The following ABI3BP variants were observed in gnomAD, a reference collection of about 807,000 sequenced individuals.
ABI3BP encodes ABI family member 3 binding protein, also known as target of Nesh-SH3.
In ABI3BP, 216 loss-of-function variants were observed where a neutral mutation model predicts 268.6. The ratio of observed to expected loss-of-function variants is 0.80; its 90% confidence interval spans 0.72 to 0.90. The LOEUF is 0.90. Among genes scored for constraint, ABI3BP ranks in the 40% least tolerant of loss-of-function variants. The pLI is 0.00. For synonymous variants in ABI3BP, 730 were observed against 730.0 expected, an observed-to-expected ratio of 1.00 and a Z score of 0.00; for missense variants, 2,090 against 2,182.4, an observed-to-expected ratio of 0.96 and a Z score of 0.84.
rs1466479570 is a variant in ABI3BP, at chr3:100,835,684, C to A, written c.2132-24G>T. The A allele has an allele frequency of 2.6e-6, 4 of 1,509,538 alleles. No homozygotes were observed. The Admixed American group carries it at 8.1e-5, about 30-fold the overall frequency. 93.5% of individuals were successfully genotyped at this position (1,509,538 alleles called of 1,614,324 possible). A position where few individuals can be genotyped will look rare whatever the true frequency, so the allele number is the denominator to read the frequency against. On this transcript the variant is annotated intron_variant, in intron 27 of 67. Coordinates refer to ENST00000471714, the MANE Select transcript of ABI3BP (RefSeq NM_001375547.2). ...AACTAACCAAAAGCAATACAATAAA[C>A]AATGGAGATTAAGAAATACAGAAAA...
chr3:100,934,231 T>C, intron 1 of ABI3BP, among the ~76,000 whole-genome samples: 1 of 151,728 alleles, frequency 6.6e-6, no homozygotes, highest in East Asian at 1.9e-4. Flanking sequence ...GAAAATGCAG[T>C]GTCTGGTTTT....
intron 2 of ABI3BP, chr3:100,911,934 T>C: frequency 8.8e-7 from 1 of 1,140,570 alleles, no homozygotes; most frequent in South Asian, 1.2e-5. Flanking sequence ...GAATATTTTC[T>C]TCAGTGCTTG....
chr3:100,967,927 C>A (rs148971910), intron 1 of ABI3BP, among the ~76,000 whole-genome samples: 494 of 152,232 alleles, frequency 3.2e-3, no homozygotes, highest in African/African-American at 0.011. Flanking sequence ...TGTGAAACAA[C>A]TGTAGTTACT....
In ABI3BP at chr3:100,886,126, A is replaced by G; in HGVS notation, c.643+16T>C. On this transcript the variant is annotated intron_variant, in intron 5 of 67. Transcript: ENST00000471714. ...ATTATAAAAGCTTACTGAAACAAAC[A>G]TTTCTAGGTACTTACTTCCAACAAC... The G allele has an allele frequency of 6.5e-7, 1 of 1,537,414 alleles. No individual in the cohort carries two copies. The highest frequency in any genetic ancestry group is 8.7e-7 in the Non-Finnish European group (1 of 1,147,332).
chr3:100,931,020 T>G (rs1354245429), intron 1 of ABI3BP: 2 of 152,148 alleles, frequency 1.3e-5, no homozygotes, highest in Non-Finnish European at 2.9e-5. Flanking sequence ...ATTTCTGAGT[T>G]GTAAGGTTGG....
At chr3:100,867,676 T>C (rs2099067714) in intron 9 of ABI3BP, among the ~76,000 whole-genome samples, 1 of 148,306 alleles carries the variant, frequency 6.7e-6, no homozygotes, top group Non-Finnish European at 1.5e-5. Flanking sequence ...ATTTCCGTTA[T>C]TCTACATGGT....
At chr3:100,823,936 GAT>G (rs934565571) in intron 36 of ABI3BP, among the ~76,000 whole-genome samples, 4 of 152,110 alleles carry the variant, frequency 2.6e-5, no homozygotes, top group Non-Finnish European at 5.9e-5. Context: ...TCATATGTTT[GAT>G]ACCGACATAA....
intron 12 of ABI3BP, chr3:100,863,636 C>T (rs1338438300): frequency 2.6e-5 from 5 of 193,756 alleles, no homozygotes; most frequent in Non-Finnish European, 5.3e-5. Flanking sequence ...TCATACTTCA[C>T]TCAGAAGAAT....
At chr3:100,904,505 G>A (rs2052251660) in intron 2 of ABI3BP, among the ~76,000 whole-genome samples, 1 of 152,118 alleles carries the variant, frequency 6.6e-6, no homozygotes, top group African/African-American at 2.4e-5. Context: ...TGGGAGTTCA[G>A]CAAGACTCAA....
At chr3:100,853,096 A>G (rs1000730369) in intron 14 of ABI3BP, among the ~76,000 whole-genome samples, 1 of 152,230 alleles carries the variant, frequency 6.6e-6, no homozygotes, top group Non-Finnish European at 1.5e-5. Flanking sequence ...TGAAGCTGTA[A>G]GAAAGATAGT....
chr3:100,865,008 T>C, intron 10 of ABI3BP, 101 bp from the exon 11 acceptor site: 3 of 855,158 alleles, frequency 3.5e-6, no homozygotes, highest in Non-Finnish European at 5.6e-6. Context: ...GGCTGATATT[T>C]GTATAGCCCA....
At position 100,912,123 on chromosome 3, in the gene ABI3BP, GT is replaced by G. The variant is rs575048428; in HGVS notation, c.260-9438del. 4.7e-5 allele frequency: 26 copies of G among 548,678 alleles called. 1 individual carries two copies. In the South Asian group the frequency reaches 5.0e-4, roughly 10 times the overall value. 34.0% of individuals were successfully genotyped at this position (548,678 alleles called of 1,614,324 possible). ...CCGTGTCCCAGACAGTGCTGGGGTT[GT>G]GTAAGGCAAGCTGGTCAACACAAAG... is the stretch of plus-strand genomic sequence containing the variant. On this transcript the variant is annotated intron_variant, in intron 2 of 67. Transcript: ENST00000471714.
chr3:100,823,392 C>T, intron 37 of ABI3BP, 66 bp downstream of exon 37: 1 of 1,371,356 alleles, frequency 7.3e-7, no homozygotes, highest in South Asian at 1.3e-5. Context: ...TCTCAAGAAA[C>T]AAATTGAAAC....
intron 4 of ABI3BP, among the ~76,000 whole-genome samples, chr3:100,896,640 A>T (rs537550237): frequency 6.6e-6 from 1 of 152,176 alleles, no homozygotes; most frequent in East Asian, 1.9e-4. Flanking sequence ...TTCTCTCTCC[A>T]TAACTTTATC....
At chr3:100,840,213 A>C (rs1175555458) in intron 22 of ABI3BP, 49 bp from the exon 23 acceptor site, 1 of 1,343,478 alleles carries the variant, frequency 7.4e-7, no homozygotes, top group East Asian at 2.6e-5. Flanking sequence ...GGATTTACAA[A>C]CTGATGATAA....
chr3:100,880,235 G>A (rs1384469244), intron 6 of ABI3BP, among the ~76,000 whole-genome samples: 1 of 152,114 alleles, frequency 6.6e-6, no homozygotes, highest in African/African-American at 2.4e-5. Context: ...ACACTGTTTT[G>A]GCTGGTGTGG....
chr3:100,874,759 G>T, intron 9 of ABI3BP, 82 bp downstream of exon 9: 1 of 833,400 alleles, frequency 1.2e-6, no homozygotes, highest in Non-Finnish European at 1.9e-6. Context: ...CAGCTCATTA[G>T]CAAGATTCTT....
At chr3:100,813,250 T>TA (rs2097909559) in intron 45 of ABI3BP, among the ~76,000 whole-genome samples, 1 of 152,208 alleles carries the variant, frequency 6.6e-6, no homozygotes, top group Non-Finnish European at 1.5e-5. Context: ...TTATTATTTT[T>TA]ACTGAAGTGA....
At chr3:100,930,768 T>C (rs552473085) in intron 1 of ABI3BP, 5 of 151,528 alleles carry the variant, frequency 3.3e-5, no homozygotes, top group African/African-American at 1.2e-4. Flanking sequence ...CCTATAAAGA[T>C]GAACTGGTAC....
Sources: allele counts gnomAD v4.1 joint callset (sites outside exome capture counted in the v4.1 genomes callset), GRCh38; gene constraint gnomAD v4.1.1; transcripts MANE v1.5; gene names NCBI Gene and HGNC (gene_info 2026-07-23, HGNC 2026-07-21).